Variants in PLCB3 observed in about 807,000 individuals in gnomAD.
PLCB3 encodes phospholipase C beta 3.
Under a neutral mutation model 152.1 loss-of-function variants are expected in PLCB3, and 54 were observed. The observed-to-expected ratio is 0.36, with a 90% CI of 0.29 to 0.45. PLCB3 has a LOEUF of 0.45. PLCB3 is among the 20% of genes least tolerant of loss of function. The pLI is 1.00. For missense variants in PLCB3, 1,248 were observed against 1,687.5 expected (o/e 0.74, Z 4.56); for synonymous variants, 717 against 698.7 (o/e 1.03, Z -0.41).
In PLCB3 at chr11:64,265,518, G is replaced by A. The variant is rs371011343; in HGVS notation, c.3035+16G>A. 5.7e-6 allele frequency: 9 copies of A among 1,586,368 alleles called. No individual in the cohort carries two copies. Among genetic ancestry groups the A allele is most frequent in the East Asian group, 2.3e-5 (1 of 44,170 alleles). On this transcript the variant is annotated intron_variant, in intron 25 of 30. Transcript: ENST00000279230. ...CAGGTGCCCTGTGAGTGTCTGGGCCGCCTGTGTGCTATGTGTGCTGGGTGT... is the reference window on the plus strand; with the variant it reads ...CAGGTGCCCTGTGAGTGTCTGGGCCACCTGTGTGCTATGTGTGCTGGGTGT...
chr11:64,266,092 C>T lies in PLCB3; in HGVS notation c.3190-34C>T. 1.2e-6 allele frequency: 2 copies of T among 1,613,904 alleles called. No homozygotes were observed. The highest frequency in any genetic ancestry group is 8.5e-7 in the Non-Finnish European group (1 of 1,179,902). On this transcript the variant is annotated intron_variant, in intron 26 of 30. Coordinates refer to ENST00000279230, the MANE Select transcript of PLCB3 (RefSeq NM_000932.5). The surrounding 1 kb of genome is among the most constrained non-coding windows in gnomAD (Gnocchi z 4.9). ...GCCTGCTGGATAGACCCGTCGTCAGCCCGGCATCACCTGTCAGCTCCCTGT... is the reference window on the plus strand; with the variant it reads ...GCCTGCTGGATAGACCCGTCGTCAGTCCGGCATCACCTGTCAGCTCCCTGT...
In PLCB3 at chr11:64,258,404, C is replaced by T. The variant is rs907345561; in HGVS notation, c.1013-69C>T. The T allele has an allele frequency of 3.6e-5, 56 of 1,555,234 alleles. No individual in the cohort carries two copies. In the African/African-American group the frequency reaches 6.9e-4, roughly 19 times the overall value. ...CTGCAAATCCAGCATGTCCTGGTTC[C>T]AGGTGGGGCCGGGGTGGTGAGGAGC... On this transcript the variant is annotated intron_variant, in intron 10 of 30. Transcript: ENST00000279230. The surrounding 1 kb of genome is among the most constrained non-coding windows in gnomAD (Gnocchi z 7.2).
At chr11:64,262,202 G>A (rs2135058449) in intron 17 of PLCB3, 126 bp downstream of exon 17, 1 of 1,412,932 alleles carries the variant, frequency 7.1e-7, no homozygotes, top group East Asian at 2.3e-5. Flanking sequence ...GGGGAACCCA[G>A]CTCCCGACTC....
chr11:64,265,570 G>A, intron 25 of PLCB3, 68 bp downstream of exon 25: 8 of 1,506,260 alleles, frequency 5.3e-6, no homozygotes, highest in Non-Finnish European at 7.1e-6. Context: ...GGGTCGGTGG[G>A]CATGGAGAGA....
At chr11:64,263,637 G>GGGTA (rs2031966723) in intron 20 of PLCB3, 40 bp downstream of exon 20, 4 of 1,603,230 alleles carry the variant, frequency 2.5e-6, no homozygotes, top group Non-Finnish European at 3.4e-6. Flanking sequence ...AGCGGGCAGT[G>GGGTA]GGTAGGGCCC....
chr11:64,254,995 C>T lies in PLCB3; in HGVS notation c.344C>T (p.Thr115Ile). 2 of 1,581,620 alleles carry T rather than the reference C, an allele frequency of 1.3e-6. No individual in the cohort carries two copies. The highest frequency in any genetic ancestry group is 1.7e-6 in the Non-Finnish European group (2 of 1,162,020). Residue 115 changes from threonine (T) to isoleucine (I), a missense_variant, in exon 4 of 31, where the codon ACA (threonine) becomes ATA (isoleucine). Transcript: ENST00000279230. Reference protein sequence around the residue: ...TVVSGPDPVNTVFLNFMAVQD... With the variant: ...TVVSGPDPVNIVFLNFMAVQD... ...GTGTCTGGGCCAGACCCAGTGAACA[C>T]AGTGTTCTTGAACTTCATGGCCGTG...
At chr11:64,254,677 A>C in intron 2 of PLCB3, 71 bp from the exon 3 acceptor site, 1 of 1,532,626 alleles carries the variant, frequency 6.5e-7, no homozygotes, top group African/African-American at 1.4e-5. Flanking sequence ...TGGCCTGGGT[A>C]GAGAGCTTGG....
rs766933332 is a variant in PLCB3 at position 64,255,733 on chromosome 11, C to T, written c.610C>T (p.Arg204Trp). 1.9e-6 allele frequency: 3 copies of T among 1,613,926 alleles called. No homozygotes were observed. Among genetic ancestry groups the T allele is most frequent in the East Asian group, 4.5e-5 (2 of 44,880 alleles). Reference sequence around the variant, plus strand: ...CCTCGACCTCCAGAGTGAGTCCATCCGGCCTGATGAGTTTTCCTTGGAAAT... The same window carrying T: ...CCTCGACCTCCAGAGTGAGTCCATCTGGCCTGATGAGTTTTCCTTGGAAAT... The part of the protein sequence containing the change: ...GLKFNRSESI[R>W]PDEFSLEIFE... Residue 204 changes from arginine to tryptophan, a missense_variant, in exon 8 of 31, where the codon CGG becomes TGG. Around this residue, in one of 6 missense-constraint regions of PLCB3, gnomAD observed 299 missense variants for 434.7 expected, o/e 0.69. Transcript: ENST00000279230. This position sits in a 1 kb window ranked among gnomAD's most constrained non-coding sequence, Gnocchi z 6.8.
At chr11:64,261,855 C>T (rs1035260230) in intron 16 of PLCB3, 97 bp from the exon 17 acceptor site, 18 of 1,548,748 alleles carry the variant, frequency 1.2e-5, no homozygotes, top group Non-Finnish European at 1.4e-5. Flanking sequence ...AAACAGAGGC[C>T]GGGTGTGGGG....
At position 64,252,672 on chromosome 11, in the gene PLCB3, T is replaced by G. The variant is rs866260806; in HGVS notation, c.99+924T>G. ...GGGGCGTGGCCTGAAGCGGCAGGTG[T>G]GCGAGGTGGGGTGCCTGGGGGCCCC... On this transcript the variant is annotated intron_variant, in intron 1 of 30. Transcript: ENST00000279230. Among the ~76,000 whole-genome samples the G allele has an allele frequency of 2.1e-3, 319 of 151,670 alleles. 5 individuals are homozygous for G. In the Middle Eastern group the frequency reaches 0.037, roughly 18 times the overall value.
intron 1 of PLCB3, among the ~76,000 whole-genome samples, chr11:64,252,722 C>G (rs955745224): frequency 6.6e-6 from 1 of 152,128 alleles, no homozygotes; most frequent in Non-Finnish European, 1.5e-5. Flanking sequence ...ACCCCTCCCC[C>G]CAGGCTGGCC....
rs1263558702 is a variant in PLCB3, at chr11:64,265,378, G to A, written c.2911G>A (p.Glu971Lys). 1.2e-6 allele frequency: 2 copies of A among 1,612,400 alleles called. No homozygotes were observed. The highest frequency in any genetic ancestry group is 8.5e-7 in the Non-Finnish European group (1 of 1,179,684). Residue 971 changes from glutamate (E) to lysine (K), a missense_variant, in exon 25 of 31, where the codon GAG (glutamate) becomes AAG (lysine). Glu to Lys is a moderately conservative substitution (Grantham distance 56). Coordinates refer to ENST00000279230, the MANE Select transcript of PLCB3 (RefSeq NM_000932.5). ...TCTGGTCAAGCTCCGGAGCCGGCAA[G>A]AGCGAGACCTGCGGGAGCTGCGCAA... ...KALVKLRSRQERDLRELRKKH... is the reference protein window; with the variant it reads ...KALVKLRSRQKRDLRELRKKH...
intron 16 of PLCB3, 92 bp downstream of exon 16, chr11:64,261,757 A>G (rs1373915926): frequency 1.4e-6 from 2 of 1,428,010 alleles, no homozygotes; most frequent in Non-Finnish European, 2.0e-6. Context: ...CCACCTGCAC[A>G]GGGTGCTGGC....
In PLCB3 at chr11:64,259,309, C is replaced by T. The variant is rs139764873; in HGVS notation, c.1525+65C>T. 3.6e-3 allele frequency: 4,636 copies of T among 1,280,852 alleles called. 51 individuals are homozygous for T. The Middle Eastern group carries it at 0.053, about 15-fold the overall frequency. The allele number at this position is 1,280,852 out of a possible 1,614,324, so 79.3% of individuals were successfully genotyped here. On this transcript the variant is annotated intron_variant, in intron 13 of 30. Coordinates refer to ENST00000279230, the MANE Select transcript of PLCB3 (RefSeq NM_000932.5). ...GCCTCTGGCCTCATGCTCCAGGCGC[C>T]GTGACACTTCATCCCAGACCCCCAG... is the stretch of plus-strand genomic sequence containing the variant.
In PLCB3 at chr11:64,267,363, A is replaced by T; in HGVS notation, c.3512A>T (p.Gln1171Leu). The T allele has an allele frequency of 6.5e-7, 1 of 1,546,870 alleles. No homozygotes were observed. Among genetic ancestry groups the T allele is most frequent in the Non-Finnish European group, 8.7e-7 (1 of 1,144,122 alleles). ...LAEEEPKLLA[Q>L]LAQECQEQRA... ...ATCCTTCTCCCACAGCTGCTGGCCCAGCTGGCCCAGGAGTGTCAGGAGCAG... is the reference window on the plus strand; with the variant it reads ...ATCCTTCTCCCACAGCTGCTGGCCCTGCTGGCCCAGGAGTGTCAGGAGCAG... The change falls in exon 31 of 31, where the codon CAG becomes CTG. Residue 1171 changes from glutamine (Q) to leucine (L), a missense_variant. Gln to Leu is a moderately radical substitution (Grantham distance 113). Around this residue, in one of 6 missense-constraint regions of PLCB3, gnomAD observed 477 missense variants for 489.6 expected, o/e 0.97. Coordinates refer to ENST00000279230, the MANE Select transcript of PLCB3 (RefSeq NM_000932.5). This position sits in a 1 kb window ranked among gnomAD's most constrained non-coding sequence, Gnocchi z 5.2.
chr11:64,254,675 G>C, intron 2 of PLCB3, 73 bp from the exon 3 acceptor site: 1 of 1,535,210 alleles, frequency 6.5e-7, no homozygotes, highest in Non-Finnish European at 9.0e-7. Context: ...CCTGGCCTGG[G>C]TAGAGAGCTT....
At position 64,255,670 on chromosome 11, in the gene PLCB3, T is replaced by G. The variant is rs113113392; in HGVS notation, c.598-51T>G. The G allele has an allele frequency of 2.2e-3, 3,461 of 1,606,190 alleles. 53 individuals carry two copies. The South Asian group carries it at 0.024, about 11-fold the overall frequency. Reference sequence around the variant, plus strand: ...GGGGTGTCACGGTGGGCACCCACCCTTACGGGGCTGCCCGCCCCTGGCTTC... The same window carrying G: ...GGGGTGTCACGGTGGGCACCCACCCGTACGGGGCTGCCCGCCCCTGGCTTC... On this transcript the variant is annotated intron_variant, in intron 7 of 30. Transcript: ENST00000279230. The surrounding 1 kb of genome is among the most constrained non-coding windows in gnomAD (Gnocchi z 6.8).
rs983037626 is a variant in PLCB3, at chr11:64,255,232, A to G, written c.388-2A>G. On this transcript the variant is annotated splice_acceptor_variant, in intron 4 of 30. Transcript: ENST00000279230. LOFTEE classifies it high-confidence loss of function. The surrounding 1 kb of genome is among the most constrained non-coding windows in gnomAD (Gnocchi z 6.8). ...GCCTCCCCGTGTATACTGGCCCCCC[A>G]GGTCTGGTCTGAGGAGCTATTCAAG... The G allele has an allele frequency of 3.7e-6, 6 of 1,612,156 alleles. No individual in the cohort carries two copies. The highest frequency in any genetic ancestry group is 5.1e-6 in the Non-Finnish European group (6 of 1,178,924).
chr11:64,256,375 G>T lies in PLCB3; in HGVS notation c.699-1G>T. On this transcript the variant is annotated splice_acceptor_variant, in intron 8 of 30. Coordinates refer to ENST00000279230, the MANE Select transcript of PLCB3 (RefSeq NM_000932.5). LOFTEE classifies it high-confidence loss of function. ...CTGACCCAGCTTCCTGTCCCCTCCA[G>T]AGGCGCCAAGGGCAAGCCATACCTG... 1 of 1,612,970 alleles carries T rather than the reference G, an allele frequency of 6.2e-7. No individual in the cohort carries two copies. Among genetic ancestry groups the T allele is most frequent in the Non-Finnish European group, 8.5e-7 (1 of 1,179,872 alleles).
Sources: allele counts gnomAD v4.1 joint callset (sites outside exome capture counted in the v4.1 genomes callset), GRCh38; gene constraint gnomAD v4.1.1; regional missense constraint gnomAD v4.1.1; non-coding constraint Gnocchi (gnomAD v3.1); transcripts MANE v1.5; gene names NCBI Gene and HGNC (gene_info 2026-07-23, HGNC 2026-07-21).